The following NRXN1 variants were observed in gnomAD, a reference collection of about 807,000 sequenced individuals.
NRXN1 encodes neurexin-1.
A neutral mutation model predicts 150.9 loss-of-function variants in NRXN1; 39 were observed. The ratio of observed to expected loss-of-function variants is 0.26; its 90% CI spans 0.20 to 0.34. NRXN1 has a LOEUF of 0.34. Ranked by LOEUF, NRXN1 falls within the 10% of genes least tolerant of loss-of-function variation. NRXN1 has a pLI of 1.00. For synonymous variants in NRXN1, 924 were observed against 757.0 expected (o/e 1.22, Z -3.62); for missense variants, 1,815 against 1,949.9 (o/e 0.93, Z 1.30).
chr2:50,188,331 T>C (rs888356351), intron 18 of NRXN1, among the ~76,000 whole-genome samples: 2 of 152,120 alleles, frequency 1.3e-5, no homozygotes, highest in Non-Finnish European at 2.9e-5. Context: ...TGCAGAAAAC[T>C]GAAACTGGAT....
intron 5 of NRXN1, among the ~76,000 whole-genome samples, chr2:50,725,598 G>C (rs552768028): frequency 1.4e-4 from 21 of 152,178 alleles, no homozygotes; most frequent in East Asian, 1.9e-4. Context: ...AGGGGCAAAT[G>C]CATTTTTAAA....
chr2:50,033,282 T>A (rs1025342636), intron 21 of NRXN1, among the ~76,000 whole-genome samples: 1 of 151,966 alleles, frequency 6.6e-6, no homozygotes, highest in Non-Finnish European at 1.5e-5. Context: ...AACAGACACA[T>A]GGACCAACAG....
intron 16 of NRXN1, chr2:50,466,461 C>A (rs866575887): frequency 2.1e-6 from 1 of 474,166 alleles, no homozygotes. Flanking sequence ...GGCTATCTAC[C>A]TTGCAAGTCA....
At chr2:50,522,725 T>C (rs1372812245) in intron 12 of NRXN1, among the ~76,000 whole-genome samples, 24,053 of 68,620 alleles carry the variant, frequency 0.35, 6,264 homozygotes, top group Non-Finnish European at 0.54. Flanking sequence ...TATTCATTTT[T>C]TTTTTTTTTT....
intron 17 of NRXN1, among the ~76,000 whole-genome samples, chr2:50,392,496 G>A (rs1356442498): frequency 6.6e-6 from 1 of 152,082 alleles, no homozygotes; most frequent in East Asian, 1.9e-4. Context: ...ACTGCAATAG[G>A]TAAGGTGAAA....
intron 21 of NRXN1, among the ~76,000 whole-genome samples, chr2:50,013,532 G>C (rs1052472031): frequency 2.0e-5 from 3 of 152,042 alleles, no homozygotes; most frequent in Non-Finnish European, 4.4e-5. Flanking sequence ...GTAGTTGCAG[G>C]AAATAAGGTA....
At chr2:50,823,343 T>C (rs1176077173) in intron 5 of NRXN1, among the ~76,000 whole-genome samples, 2 of 152,122 alleles carry the variant, frequency 1.3e-5, no homozygotes, top group Non-Finnish European at 2.9e-5. Context: ...TGCTGAAGAT[T>C]TGGAAAAGTG....
chr2:51,023,736 A>G (rs543566988), intron 2 of NRXN1, among the ~76,000 whole-genome samples: 1 of 152,340 alleles, frequency 6.6e-6, no homozygotes, highest in African/African-American at 2.4e-5. Context: ...TACACAAAAC[A>G]ATCAGTACTT....
chr2:50,049,339 G>C (rs908879704), intron 21 of NRXN1, among the ~76,000 whole-genome samples: 53 of 152,208 alleles, frequency 3.5e-4, no homozygotes, highest in African/African-American at 1.2e-3. Flanking sequence ...TAGAATCAAA[G>C]AAATCTTAGA....
intron 2 of NRXN1, among the ~76,000 whole-genome samples, chr2:51,007,724 T>C (rs562740211): frequency 1.3e-5 from 2 of 152,008 alleles, no homozygotes; most frequent in Non-Finnish European, 2.9e-5. Flanking sequence ...TGAGATAAAA[T>C]ATTATCACCA....
chr2:50,573,019 G>C (rs1209432772), intron 8 of NRXN1, among the ~76,000 whole-genome samples: 3 of 152,026 alleles, frequency 2.0e-5, no homozygotes, highest in African/African-American at 7.3e-5. Flanking sequence ...AATACAATTG[G>C]ATAATATGCA....
chr2:50,711,548 G>T (rs1366408390), intron 5 of NRXN1, among the ~76,000 whole-genome samples: 4 of 151,756 alleles, frequency 2.6e-5, no homozygotes, highest in Non-Finnish European at 5.9e-5. Flanking sequence ...ATTGGTCAGG[G>T]TGGTCTTGAA....
intron 5 of NRXN1, among the ~76,000 whole-genome samples, chr2:50,857,197 G>T (rs147942897): frequency 6.6e-6 from 1 of 152,060 alleles, no homozygotes; most frequent in Non-Finnish European, 1.5e-5. Context: ...GTTGAGCTGT[G>T]TGCCCTCTGA....
intron 18 of NRXN1, among the ~76,000 whole-genome samples, chr2:50,225,449 A>T (rs912690221): frequency 6.6e-6 from 1 of 152,014 alleles, no homozygotes; most frequent in Non-Finnish European, 1.5e-5. Flanking sequence ...AATGGGCTAC[A>T]AGGACATATA....
intron 21 of NRXN1, among the ~76,000 whole-genome samples, chr2:49,988,391 T>A (rs957828769): frequency 2.8e-4 from 42 of 151,924 alleles, no homozygotes; most frequent in African/African-American, 9.9e-4. Context: ...GCTGCTAGAC[T>A]GGGAAACAAA....
intron 19 of NRXN1, among the ~76,000 whole-genome samples, chr2:50,073,200 C>T (rs1211893087): frequency 6.6e-6 from 1 of 152,162 alleles, no homozygotes; most frequent in Admixed American, 6.5e-5. Context: ...GACATTTATT[C>T]TGGCCCCTTT....
chr2:50,581,971 A>G (rs1450690193), intron 8 of NRXN1, among the ~76,000 whole-genome samples: 1 of 152,150 alleles, frequency 6.6e-6, no homozygotes, highest in African/African-American at 2.4e-5. Context: ...ACATAGTAAT[A>G]TTTCACTCTA....
rs1463470618 is a variant in NRXN1, at chr2:50,539,398, A to C, written c.1760-762T>G. ...AACAAGGCTTTCTTTTTCTCACTCCAAATGTTAAGGAGAAAAATCTATTGG... is the reference window on the plus strand; with the variant it reads ...AACAAGGCTTTCTTTTTCTCACTCCCAATGTTAAGGAGAAAAATCTATTGG... On this transcript the variant is annotated intron_variant, in intron 9 of 22. Transcript: ENST00000401669. Among the ~76,000 whole-genome samples, 3 of 152,204 alleles carry C rather than the reference A, an allele frequency of 2.0e-5. No individual in the cohort carries two copies. In the East Asian group the frequency reaches 5.8e-4, roughly 29 times the overall value.
intron 2 of NRXN1, among the ~76,000 whole-genome samples, chr2:51,011,370 T>G (rs1191442358): frequency 6.6e-6 from 1 of 151,912 alleles, no homozygotes; most frequent in African/African-American, 2.4e-5. Context: ...TAGAATCAAG[T>G]GAAGAAATCA....
Sources: allele counts gnomAD v4.1 joint callset (sites outside exome capture counted in the v4.1 genomes callset), GRCh38; gene constraint gnomAD v4.1.1; transcripts MANE v1.5; gene names NCBI Gene and HGNC (gene_info 2026-07-23, HGNC 2026-07-21).